The following PARD3B variants were observed in gnomAD, a reference collection of about 807,000 sequenced individuals.
PARD3B encodes the protein partitioning defective 3 homolog B.
Under a neutral mutation model 130.2 loss-of-function variants are expected in PARD3B, and 103 were observed. The ratio of observed to expected loss-of-function variants is 0.79; its 90% CI spans 0.67 to 0.93. The LOEUF is 0.93. PARD3B is among the 40% of genes least tolerant of loss of function. The probability of loss-of-function intolerance (pLI) is 0.00; values close to 1 mark genes in which losing one functional copy is unlikely to be tolerated. For synonymous variants in PARD3B, 583 were observed against 553.2 expected (o/e 1.05, Z -0.76); for missense variants, 1,609 against 1,499.2 (o/e 1.07, Z -1.21).
chr2:204,700,360 A>G (rs1397780746), intron 2 of PARD3B, among the ~76,000 whole-genome samples: 1 of 152,154 alleles, frequency 6.6e-6, no homozygotes, highest in Non-Finnish European at 1.5e-5. Flanking sequence ...ACTTTATTGG[A>G]AAATTTAATT....
At chr2:204,898,840 C>T (rs1444081260) in intron 2 of PARD3B, among the ~76,000 whole-genome samples, 4 of 152,136 alleles carry the variant, frequency 2.6e-5, no homozygotes, top group Non-Finnish European at 5.9e-5. Context: ...GTTATGTTCT[C>T]TTGCCGAATT....
At chr2:204,735,797 C>T (rs1158704539) in intron 2 of PARD3B, among the ~76,000 whole-genome samples, 1 of 152,030 alleles carries the variant, frequency 6.6e-6, no homozygotes, top group Non-Finnish European at 1.5e-5. Flanking sequence ...TGGTGTGTTG[C>T]ATCATGTTGT....
intron 2 of PARD3B, among the ~76,000 whole-genome samples, chr2:204,701,935 A>C (rs931227280): frequency 5.9e-5 from 9 of 151,964 alleles, no homozygotes; most frequent in Non-Finnish European, 2.9e-5. Context: ...TATTGTTGCC[A>C]TCTTTATGTC....
chr2:204,745,861 C>T (rs955339738), intron 2 of PARD3B, among the ~76,000 whole-genome samples: 5 of 152,010 alleles, frequency 3.3e-5, no homozygotes, highest in Non-Finnish European at 7.4e-5. Flanking sequence ...CCGCCATGGA[C>T]TCCCAAAGCC....
intron 2 of PARD3B, among the ~76,000 whole-genome samples, chr2:204,761,027 A>G (rs138969645): frequency 1.1e-3 from 169 of 152,296 alleles, no homozygotes; most frequent in Admixed American, 2.3e-3. Flanking sequence ...TAATCTTTAC[A>G]ATAGAACCTT....
chr2:205,554,233 G>T (rs1359999414), intron 22 of PARD3B, among the ~76,000 whole-genome samples: 2 of 137,156 alleles, frequency 1.5e-5, no homozygotes, highest in Non-Finnish European at 3.1e-5. Context: ...TAAAGGGGTG[G>T]GGGAAAGACC....
intron 1 of PARD3B, among the ~76,000 whole-genome samples, chr2:204,559,325 AG>A (rs1324152869): frequency 6.6e-6 from 1 of 152,118 alleles, no homozygotes; most frequent in Admixed American, 6.5e-5. Context: ...GAATCTACAA[AG>A]AACTTAAACA....
intron 3 of PARD3B, among the ~76,000 whole-genome samples, chr2:205,010,414 C>G (rs1036392221): frequency 1.3e-5 from 2 of 152,120 alleles, no homozygotes; most frequent in African/African-American, 4.8e-5. Context: ...TTCCTTTTAC[C>G]TTTCTCTTGG....
chr2:205,005,558 T>A (rs893607035), intron 3 of PARD3B, among the ~76,000 whole-genome samples: 4 of 152,174 alleles, frequency 2.6e-5, no homozygotes, highest in Non-Finnish European at 5.9e-5. Flanking sequence ...ACTGAACTTC[T>A]TAAGGTTTGT....
chr2:205,358,311 C>T (rs959851501), intron 18 of PARD3B, among the ~76,000 whole-genome samples: 2 of 152,230 alleles, frequency 1.3e-5, no homozygotes, highest in Admixed American at 1.3e-4. Context: ...TCTGCAGTCA[C>T]ATCTGTGAGT....
chr2:205,349,668 GA>G (rs1340855528), intron 18 of PARD3B, among the ~76,000 whole-genome samples: 3 of 151,924 alleles, frequency 2.0e-5, no homozygotes, highest in African/African-American at 7.3e-5. Flanking sequence ...TTAAACTTCA[GA>G]ATGAAAGCTG....
intron 16 of PARD3B, among the ~76,000 whole-genome samples, chr2:205,282,889 G>A (rs1039845100): frequency 6.6e-6 from 1 of 152,176 alleles, no homozygotes; most frequent in Non-Finnish European, 1.5e-5. Flanking sequence ...TCCCAATCAG[G>A]TCTGTTTATG....
chr2:204,642,658 T>G (rs2035117287), intron 1 of PARD3B, among the ~76,000 whole-genome samples: 1 of 152,108 alleles, frequency 6.6e-6, no homozygotes, highest in African/African-American at 2.4e-5. Context: ...ATAGCCATTT[T>G]GATATGTGAT....
Position 205,589,092 on chromosome 2 carries a change from A to G in PARD3B, c.3261-26364A>G, listed in dbSNP as rs1487689234. Among the ~76,000 whole-genome samples, 1 of 152,192 alleles carries G rather than the reference A, an allele frequency of 6.6e-6. No individual in the cohort carries two copies. The highest frequency in any genetic ancestry group is 1.5e-5 in the Non-Finnish European group (1 of 68,036). ...CCTTTGAATCCAGGAGTTTCAGACC[A>G]GTCTGGGTAACATGGCAAAACCCCA... On this transcript the variant is annotated intron_variant, in intron 22 of 22. Coordinates refer to ENST00000406610, the MANE Select transcript of PARD3B (RefSeq NM_001302769.2). This position sits in a 1 kb window ranked among gnomAD's most constrained non-coding sequence, Gnocchi z 4.1.
intron 2 of PARD3B, among the ~76,000 whole-genome samples, chr2:204,805,907 A>T (rs950584924): frequency 6.6e-6 from 1 of 152,166 alleles, no homozygotes; most frequent in African/African-American, 2.4e-5. Context: ...TAGAAGGAAC[A>T]TACCTCAACA....
In PARD3B at chr2:204,567,527, G is replaced by T. The variant is rs116735544; in HGVS notation, c.120+21408G>T. On this transcript the variant is annotated intron_variant, in intron 1 of 22. Transcript: ENST00000406610. ...ATAATGTCTTTGGTTAATTCATGTT[G>T]TATCATGTTTCAGAATTTCCTTCCT... Among the ~76,000 whole-genome samples the T allele has an allele frequency of 6.9e-3, 1,043 of 152,208 alleles. 8 individuals are homozygous for T. Among genetic ancestry groups the T allele is most frequent in the Non-Finnish European group, 0.01 (707 of 68,006 alleles).
chr2:204,777,990 G>C (rs1443770426), intron 2 of PARD3B, among the ~76,000 whole-genome samples: 1 of 151,990 alleles, frequency 6.6e-6, no homozygotes, highest in East Asian at 1.9e-4. Flanking sequence ...CTTGTGAAGA[G>C]GCTGTCTACT....
intron 10 of PARD3B, among the ~76,000 whole-genome samples, chr2:205,150,252 T>TGCGCGCGCGCGC (rs60163212): frequency 1.4e-5 from 2 of 145,780 alleles, no homozygotes; most frequent in African/African-American, 5.1e-5. Flanking sequence ...TGTGTGTGTG[T>TGCGCGCGCGCGC]GCACACACGC....
intron 1 of PARD3B, among the ~76,000 whole-genome samples, chr2:204,671,449 A>G (rs2036294767): frequency 6.6e-6 from 1 of 152,146 alleles, no homozygotes; most frequent in South Asian, 2.1e-4. Flanking sequence ...TCTACTTTTC[A>G]TGATACCTGG....
Sources: allele counts gnomAD v4.1 joint callset (sites outside exome capture counted in the v4.1 genomes callset), GRCh38; gene constraint gnomAD v4.1.1; non-coding constraint Gnocchi (gnomAD v3.1); transcripts MANE v1.5; gene names NCBI Gene and HGNC (gene_info 2026-07-23, HGNC 2026-07-21).